Variants in NTRK3 observed in about 807,000 individuals in gnomAD.
The protein encoded by NTRK3 is NT-3 growth factor receptor.
In NTRK3, 24 loss-of-function variants were observed where a neutral mutation model predicts 91.7. That is an observed-to-expected ratio of 0.26 (90% CI 0.19 to 0.37). The LOEUF is 0.37. NTRK3 is among the 10% of genes least tolerant of loss of function. The pLI is 1.00. For synonymous variants in NTRK3, 483 were observed against 404.0 expected, an observed-to-expected ratio of 1.20 and a Z score of -2.34; for missense variants, 880 against 1,068.9, an observed-to-expected ratio of 0.82 and a Z score of 2.46.
intron 18 of NTRK3, among the ~76,000 whole-genome samples, chr15:87,878,613 T>C (rs1214793545): frequency 1.3e-5 from 2 of 152,196 alleles, no homozygotes; most frequent in South Asian, 2.1e-4. Context: ...TCTCTTCTAA[T>C]GTTGGACTAT....
chr15:88,104,285 G>A (rs2050478099), intron 13 of NTRK3, among the ~76,000 whole-genome samples: 1 of 152,178 alleles, frequency 6.6e-6, no homozygotes, highest in Non-Finnish European at 1.5e-5. Context: ...TTTGGACACG[G>A]GTAGATTATA....
chr15:87,880,456 A>G (rs2065178504), intron 17 of NTRK3, 28 bp from the exon 19 acceptor site: 1 of 1,611,874 alleles, frequency 6.2e-7, no homozygotes, highest in African/African-American at 1.3e-5. Flanking sequence ...AGAGGCACAC[A>G]GAGTGACCAG....
exon 19 of NTRK3, chr15:87,862,579 A>C (rs2064556662): frequency 4.4e-6 from 1 of 226,088 alleles, no homozygotes; most frequent in Non-Finnish European, 8.8e-6. Flanking sequence ...TGAGTGGAGA[A>C]GATGCTGACA....
intron 5 of NTRK3, among the ~76,000 whole-genome samples, chr15:88,174,961 C>A (rs545928039): frequency 1.3e-5 from 2 of 152,238 alleles, no homozygotes; most frequent in Non-Finnish European, 2.9e-5. Context: ...CTTCCTTATA[C>A]TTAAATTAGA....
intron 3 of NTRK3, among the ~76,000 whole-genome samples, chr15:88,238,127 G>A (rs2051976564): frequency 6.6e-6 from 1 of 152,136 alleles, no homozygotes; most frequent in African/African-American, 2.4e-5. Context: ...GCAAGCCATG[G>A]AGGGAGGCCT....
intron 14 of NTRK3, among the ~76,000 whole-genome samples, chr15:88,029,546 G>C (rs1054047976): frequency 1.3e-5 from 2 of 152,230 alleles, no homozygotes; most frequent in Non-Finnish European, 2.9e-5. Flanking sequence ...AAGGGGTGAA[G>C]TCAGGTAGCA....
In NTRK3 at chr15:87,877,055, G is replaced by A. The variant is rs147177890; in HGVS notation, c.2358C>T (p.Tyr786=). ...TCTGCCAGCACCCCAGCATGACATC[G>A]TACACCTCTTTGGGGCAGACTCGGG... Residue 786 remains tyrosine (Y), a synonymous_variant, in exon 19 of 19, where the codon TAC becomes TAT. Coordinates refer to ENST00000394480, the Ensembl canonical transcript of NTRK3. 52 of 1,613,986 alleles carry A rather than the reference G, an allele frequency of 3.2e-5. No homozygotes were observed. The East Asian group carries it at 7.4e-4, about 23-fold the overall frequency.
At chr15:88,155,486 TG>T (rs2043804306) in intron 5 of NTRK3, among the ~76,000 whole-genome samples, 1 of 152,252 alleles carries the variant, frequency 6.6e-6, no homozygotes, top group Non-Finnish European at 1.5e-5. Context: ...AATAAATTTG[TG>T]TTGTATTACG....
intron 16 of NTRK3, among the ~76,000 whole-genome samples, chr15:87,930,322 G>A (rs2068682939): frequency 6.6e-6 from 1 of 152,186 alleles, no homozygotes; most frequent in Admixed American, 6.5e-5. Flanking sequence ...AGAAAGCCCA[G>A]TGAGCCGTAA....
chr15:87,977,970 CT>C, intron 14 of NTRK3: 6 of 232,998 alleles, frequency 2.6e-5, no homozygotes, highest in East Asian at 1.2e-4. Flanking sequence ...AAACAACCAC[CT>C]TTTTCCCCCA....
intron 14 of NTRK3, among the ~76,000 whole-genome samples, chr15:87,945,083 G>A (rs2070318189): frequency 6.6e-6 from 1 of 152,214 alleles, no homozygotes; most frequent in Non-Finnish European, 1.5e-5. Context: ...ACTGGAAGGG[G>A]AGGCAGGGAG....
At chr15:88,210,439 A>G (rs2049143142) in intron 3 of NTRK3, among the ~76,000 whole-genome samples, 1 of 152,252 alleles carries the variant, frequency 6.6e-6, no homozygotes, top group African/African-American at 2.4e-5. Context: ...AAGGAATGCT[A>G]CAGAATGTCC....
chr15:88,070,222 G>T (rs1366936626), intron 13 of NTRK3, among the ~76,000 whole-genome samples: 1 of 152,170 alleles, frequency 6.6e-6, no homozygotes, highest in Non-Finnish European at 1.5e-5. Flanking sequence ...GGAGATCTAG[G>T]AAGTACCAAA....
chr15:87,917,987 GTTTT>G (rs944067908), intron 17 of NTRK3, among the ~76,000 whole-genome samples: 1 of 107,746 alleles, frequency 9.3e-6, no homozygotes, highest in Non-Finnish European at 1.8e-5. Flanking sequence ...CCATTTCACT[GTTTT>G]TTTGTGTTTT....
chr15:88,029,159 G>T (rs184038227), intron 14 of NTRK3, among the ~76,000 whole-genome samples: 1 of 152,290 alleles, frequency 6.6e-6, no homozygotes, highest in Admixed American at 6.5e-5. Context: ...AATGAGGGGG[G>T]CTTTATTAGG....
chr15:88,201,634 A>G (rs2048313516), intron 3 of NTRK3, among the ~76,000 whole-genome samples: 1 of 152,134 alleles, frequency 6.6e-6, no homozygotes, highest in African/African-American at 2.4e-5. Context: ...CGCCATCTGG[A>G]CACAAAGGCC....
intron 3 of NTRK3, among the ~76,000 whole-genome samples, chr15:88,254,074 C>T (rs1465681623): frequency 6.6e-6 from 1 of 152,192 alleles, no homozygotes; most frequent in East Asian, 1.9e-4. Context: ...TTCCCAGAGA[C>T]CCAGGCTGGG....
intron 13 of NTRK3, among the ~76,000 whole-genome samples, chr15:88,093,482 G>C (rs957411737): frequency 6.6e-6 from 1 of 152,176 alleles, no homozygotes; most frequent in African/African-American, 2.4e-5. Context: ...ATGGATGGGT[G>C]TCAGTTTCTC....
At chr15:87,942,481 C>A (rs1392687515) in intron 14 of NTRK3, among the ~76,000 whole-genome samples, 4 of 152,226 alleles carry the variant, frequency 2.6e-5, no homozygotes, top group Admixed American at 1.3e-4. Flanking sequence ...CGGGAGGCCA[C>A]CTGCTCCTGC....
Sources: allele counts gnomAD v4.1 joint callset (sites outside exome capture counted in the v4.1 genomes callset), GRCh38; gene constraint gnomAD v4.1.1; transcripts MANE v1.5; gene names NCBI Gene and HGNC (gene_info 2026-07-23, HGNC 2026-07-21).